The following ZNF180 variants were observed in gnomAD, a reference collection of about 807,000 sequenced individuals.
ZNF180 encodes the protein zinc finger protein 180 (HHZ168).
In ZNF180, 11 loss-of-function variants were observed where a neutral mutation model predicts 11.8. The ratio of observed to expected loss-of-function variants is 0.93; its 90% CI spans 0.59 to 1.55. The LOEUF (loss-of-function observed/expected upper bound fraction) is 1.55, where lower values mean the gene tolerates loss of function less well. ZNF180 is among the 40% of genes most tolerant of loss of function. The probability of loss-of-function intolerance (pLI) is 0.00; values close to 1 mark genes in which losing one functional copy is unlikely to be tolerated. For missense variants in ZNF180, 773 were observed against 781.7 expected, an observed-to-expected ratio of 0.99 and a Z score of 0.13; for synonymous variants, 287 against 257.7, an observed-to-expected ratio of 1.11 and a Z score of -1.09.
intron 3 of ZNF180, among the ~76,000 whole-genome samples, chr19:44,483,061 A>G (rs1050301527): frequency 6.6e-6 from 1 of 152,212 alleles, no homozygotes; most frequent in Non-Finnish European, 1.5e-5. Context: ...CAAATACAAA[A>G]CTGCCCACGT....
rs1031895303 is a variant in ZNF180 at position 44,484,385 on chromosome 19, A to C, written c.102T>G (p.Thr34=). 1 of 1,613,994 alleles carries C rather than the reference A, an allele frequency of 6.2e-7. No individual in the cohort carries two copies. The highest frequency in any genetic ancestry group is 1.3e-5 in the African/African-American group (1 of 75,060). The part of the protein sequence containing the change: ...EIIIKVEGED[T]GSLTIPSQEG... ...CCTGAGATGGGATGGTCAGAGACCC[A>C]GTGTCTTCTCCCTCGACTTTGATGA... is the stretch of plus-strand genomic sequence containing the variant. Residue 34 remains threonine (T), a synonymous_variant, in exon 3 of 5, where the codon ACT becomes ACG. Coordinates refer to ENST00000592529, the MANE Select transcript of ZNF180 (RefSeq NM_001278509.3).
At chr19:44,499,629 C>T (rs1172499195) in intron 1 of ZNF180, among the ~76,000 whole-genome samples, 3 of 152,122 alleles carry the variant, frequency 2.0e-5, no homozygotes, top group African/African-American at 7.2e-5. Flanking sequence ...GTTTCTAGGC[C>T]CTGATACCCT....
chr19:44,487,386 T>C (rs1452894681), intron 2 of ZNF180, among the ~76,000 whole-genome samples: 3 of 152,126 alleles, frequency 2.0e-5, no homozygotes, highest in Non-Finnish European at 4.4e-5. Flanking sequence ...AGCCAAGAGG[T>C]TGTGTTGCTT....
intron 3 of ZNF180, among the ~76,000 whole-genome samples, chr19:44,480,505 G>A (rs953436221): frequency 4.6e-5 from 7 of 152,124 alleles, no homozygotes; most frequent in African/African-American, 1.7e-4. Flanking sequence ...TCTATGAAAA[G>A]CCACTAGCAG....
intron 2 of ZNF180, among the ~76,000 whole-genome samples, chr19:44,496,132 C>A (rs1005986486): frequency 1.3e-5 from 2 of 151,956 alleles, no homozygotes; most frequent in Non-Finnish European, 2.9e-5. Flanking sequence ...GATCCTCCCA[C>A]CTCACCCACT....
chr19:44,500,213 C>G (rs1210118844), intron 1 of ZNF180, 62 bp downstream of exon 1: 1 of 1,614,068 alleles, frequency 6.2e-7, no homozygotes, highest in African/African-American at 1.3e-5. Context: ...CTTCCAGCTT[C>G]CCGCGTAGAC....
chr19:44,486,822 C>A (rs951524921), intron 2 of ZNF180, among the ~76,000 whole-genome samples: 7 of 152,110 alleles, frequency 4.6e-5, no homozygotes, highest in Non-Finnish European at 1.0e-4. Context: ...GGGCAGATTG[C>A]CTGAACTCAG....
rs1441002805 is a variant in ZNF180 at position 44,495,661 on chromosome 19, C to T, written c.51+1623G>A. On this transcript the variant is annotated intron_variant, in intron 2 of 4. Transcript: ENST00000592529. This position sits in a 1 kb window ranked among gnomAD's most constrained non-coding sequence, Gnocchi z 4.5. ...GGATGCCTTGCTCACCTGCTCTGAC[C>T]CCATCACCCCACACCAGATCTCCAT... is the stretch of plus-strand genomic sequence containing the variant. Among the ~76,000 whole-genome samples the T allele has an allele frequency of 6.6e-6, 1 of 152,124 alleles. No homozygotes were observed. The highest frequency in any genetic ancestry group is 1.5e-5 in the Non-Finnish European group (1 of 68,016).
intron 2 of ZNF180, among the ~76,000 whole-genome samples, chr19:44,490,955 TTCATA>T (rs1299070531): frequency 6.6e-6 from 1 of 152,230 alleles, no homozygotes; most frequent in African/African-American, 2.4e-5. Context: ...TTACCCTGCT[TTCATA>T]TCTTCACATC....
At chr19:44,489,816 GAAAGA>G (rs1283383488) in intron 2 of ZNF180, among the ~76,000 whole-genome samples, 2 of 82,858 alleles carry the variant, frequency 2.4e-5, no homozygotes, top group Non-Finnish European at 5.3e-5. Flanking sequence ...AAACTTGACC[GAAAGA>G]AAAGAAAGAA....
intron 2 of ZNF180, among the ~76,000 whole-genome samples, chr19:44,490,113 A>AAAG: frequency 1.2e-5 from 1 of 86,230 alleles, no homozygotes; most frequent in Non-Finnish European, 2.6e-5. Flanking sequence ...AGGAAGGGAA[A>AAAG]GAAAGAGGGA....
chr19:44,496,440 G>A (rs1970580579), intron 2 of ZNF180: 1 of 152,076 alleles, frequency 6.6e-6, no homozygotes, highest in Non-Finnish European at 1.5e-5. Flanking sequence ...ATGGCTTGAA[G>A]CCAGGAGTTC....
intron 2 of ZNF180, among the ~76,000 whole-genome samples, chr19:44,487,535 A>G (rs547578921): frequency 6.6e-6 from 1 of 152,248 alleles, no homozygotes; most frequent in South Asian, 2.1e-4. Flanking sequence ...GTTACCCTCT[A>G]TGGTCTAAAA....
intron 1 of ZNF180, among the ~76,000 whole-genome samples, chr19:44,499,100 G>A (rs949148612): frequency 2.0e-5 from 3 of 152,134 alleles, no homozygotes; most frequent in Admixed American, 1.3e-4. Context: ...CTATTTGCCC[G>A]CAGCCAGGAC....
Position 44,478,099 on chromosome 19 carries a change from T to A in ZNF180, c.301A>T (p.Ile101Phe), listed in dbSNP as rs997912734. 2.5e-6 allele frequency: 4 copies of A among 1,597,030 alleles called. No homozygotes were observed. The highest frequency in any genetic ancestry group is 3.4e-6 in the Non-Finnish European group (4 of 1,169,710). ...GKKDSTSKQRIFDEEPANGVK... is the reference protein window; with the variant it reads ...GKKDSTSKQRFFDEEPANGVK... ...CCATTAGCTGGTTCTTCATCAAAAATCCTCTGCTTTGAAGTTGAATCTTTT... is the reference window on the plus strand; with the variant it reads ...CCATTAGCTGGTTCTTCATCAAAAAACCTCTGCTTTGAAGTTGAATCTTTT... Residue 101 changes from isoleucine (I) to phenylalanine (F), a missense_variant, in exon 5 of 5, where the codon ATT (isoleucine) becomes TTT (phenylalanine). Physicochemically the swap from Ile to Phe is conservative, Grantham distance 21. Coordinates refer to ENST00000592529, the MANE Select transcript of ZNF180 (RefSeq NM_001278509.3).
chr19:44,495,766 C>T lies in ZNF180; in HGVS notation c.51+1518G>A, dbSNP rs2686774. The stretch of plus-strand genomic sequence containing the variant: ...ACGTGCACAAGCGACTTCTTCATTC[C>T]ACTTGGGCTCTGACTATGCTGGGAT... On this transcript the variant is annotated intron_variant, in intron 2 of 4. Transcript: ENST00000592529. This position sits in a 1 kb window ranked among gnomAD's most constrained non-coding sequence, Gnocchi z 4.5. 0.29 allele frequency among the ~76,000 whole-genome samples: 44,785 copies of T among 151,896 alleles called. 7,808 individuals carry two copies. Among genetic ancestry groups the T allele is most frequent in the South Asian group, 0.4 (1,931 of 4,818 alleles).
At chr19:44,491,571 T>C (rs939199993) in intron 2 of ZNF180, among the ~76,000 whole-genome samples, 1 of 135,758 alleles carries the variant, frequency 7.4e-6, no homozygotes, top group African/African-American at 3.0e-5. Context: ...CACAAAATCA[T>C]CTAAACTTTT....
Position 44,477,143 on chromosome 19 carries a change from G to C in ZNF180, c.1257C>G (p.Phe419Leu), listed in dbSNP as rs1258300180. Residue 419 changes from phenylalanine to leucine, a missense_variant, in exon 5 of 5, where the codon TTC becomes TTG. By Grantham distance (22) the Phe-to-Leu change is conservative. Coordinates refer to ENST00000592529, the MANE Select transcript of ZNF180 (RefSeq NM_001278509.3). ...GTGCAATAAGTTTATAGCTCTGCCTGAATGACTTTCCACACTGATTGCATT... is the reference window on the plus strand; with the variant it reads ...GTGCAATAAGTTTATAGCTCTGCCTCAATGACTTTCCACACTGATTGCATT... ...PYECNQCGKS[F>L]RQSYKLIAHQ... The C allele has an allele frequency of 6.2e-7, 1 of 1,612,946 alleles. No homozygotes were observed. The highest frequency in any genetic ancestry group is 1.1e-5 in the South Asian group (1 of 91,034).
chr19:44,490,000 A>AGAAAG (rs1491563361), intron 2 of ZNF180, among the ~76,000 whole-genome samples: 1 of 64,960 alleles, frequency 1.5e-5, no homozygotes, highest in Non-Finnish European at 2.7e-5. Flanking sequence ...AAAGCAAGAA[A>AGAAAG]GAAAGAAAAG....
Sources: gnomAD v4.1 joint callset for allele counts (sites outside exome capture counted in the v4.1 genomes callset) on GRCh38, gnomAD v4.1.1 for gene constraint, Gnocchi (gnomAD v3.1) non-coding constraint, MANE v1.5 for transcripts, NCBI Gene and HGNC (gene_info 2026-07-23, HGNC 2026-07-21) for gene names.